The following MTX3 variants were observed in gnomAD, a reference collection of about 807,000 sequenced individuals.
MTX3 encodes metaxin 3.
In MTX3, 27 loss-of-function variants were observed where a neutral mutation model predicts 42.5. That is an observed-to-expected ratio of 0.64 (90% confidence interval 0.47 to 0.88). MTX3 has a LOEUF of 0.88. Among genes scored for constraint, MTX3 ranks in the 40% least tolerant of loss-of-function variants. The pLI is 0.00. For missense variants in MTX3, 378 were observed against 367.0 expected, an observed-to-expected ratio of 1.03 and a Z score of -0.25; for synonymous variants, 144 against 132.9, an observed-to-expected ratio of 1.08 and a Z score of -0.57.
In MTX3 at chr5:79,988,532, C is replaced by T. The variant is rs755302137; in HGVS notation, c.434G>A (p.Gly145Glu). 4.3e-6 allele frequency: 7 copies of T among 1,612,664 alleles called. No individual in the cohort carries two copies. The highest frequency in any genetic ancestry group is 1.3e-5 in the African/African-American group (1 of 74,960). Residue 145 changes from glycine (G) to glutamate (E), a missense_variant, in exon 5 of 9, where the codon GGA becomes GAA. Transcript: ENST00000512528. ...GGTCAGGAGAATCCTATTCAGTGCTCCCTTAGACATTCTTCCAGGCAGGAT... is the reference window on the plus strand; with the variant it reads ...GGTCAGGAGAATCCTATTCAGTGCTTCCTTAGACATTCTTCCAGGCAGGAT... Reference protein sequence around the residue: ...SLILPGRMSKGALNRILLTRG... With the variant: ...SLILPGRMSKEALNRILLTRG...
Position 79,981,552 on chromosome 5 carries a change from T to A in MTX3, c.*2132A>T, listed in dbSNP as rs1831374669. 1 of 152,176 alleles carries A rather than the reference T, an allele frequency of 6.6e-6. No homozygotes were observed. The highest frequency in any genetic ancestry group is 1.5e-5 in the Non-Finnish European group (1 of 68,026). 9.4% of individuals were successfully genotyped at this position (152,176 alleles called of 1,614,324 possible). A position where few individuals can be genotyped will look rare whatever the true frequency, so the allele number is the denominator to read the frequency against. ...ATGCTTCTTTATCAAAGTCTACATATCAGAAGAACATGAGCTCCACGTTCC... is the reference window on the plus strand; with the variant it reads ...ATGCTTCTTTATCAAAGTCTACATAACAGAAGAACATGAGCTCCACGTTCC... On this transcript the variant is annotated 3_prime_UTR_variant, in exon 9 of 9. Coordinates refer to ENST00000512528, the MANE Select transcript of MTX3 (RefSeq NM_001363818.2).
At chr5:79,987,457 A>T (rs939932144) in intron 6 of MTX3, among the ~76,000 whole-genome samples, 151 of 151,842 alleles carry the variant, frequency 9.9e-4, no homozygotes, top group Non-Finnish European at 1.2e-3. Context: ...AAAAAAAAAA[A>T]AAAATTAAAT....
In MTX3 at chr5:79,988,617, T is replaced by C. The variant is rs1208834219; in HGVS notation, c.349A>G (p.Asn117Asp). Residue 117 changes from asparagine to aspartate, a missense_variant, in exon 5 of 9, where the codon AAT becomes GAT. Transcript: ENST00000512528. ...VLHTFWVESD[N>D]YFTVTKPWFA... ...CATGGCTTTGTCACAGTAAAGTAATTGTCACTCTCAACCCAGAATGTGTGA... is the reference window on the plus strand; with the variant it reads ...CATGGCTTTGTCACAGTAAAGTAATCGTCACTCTCAACCCAGAATGTGTGA... 2.5e-6 allele frequency: 4 copies of C among 1,594,576 alleles called. No homozygotes were observed. In the African/African-American group the frequency reaches 4.0e-5, roughly 16 times the overall value.
Position 79,983,786 on chromosome 5 carries a change from G to A in MTX3, c.837C>T (p.Asp279=), listed in dbSNP as rs1161464931. The A allele has an allele frequency of 1.9e-6, 3 of 1,611,040 alleles. No individual in the cohort carries two copies. The highest frequency in any genetic ancestry group is 2.7e-5 in the African/African-American group (2 of 74,966). The change falls in exon 9 of 9, where the codon GAC becomes GAT. Residue 279 remains aspartate (D), a synonymous_variant. Transcript: ENST00000512528. ...GAAGCTGAGGGCTTTGGCGAAGATT[G>A]TCATCCATCTGTAGAAAGTACAAAA... The part of the protein sequence containing the change: ...KESNLIEKMD[D]NLRQSPQLPP...
At chr5:79,990,286 G>T in intron 2 of MTX3, 50 bp from the exon 3 acceptor site, 1 of 1,260,320 alleles carries the variant, frequency 7.9e-7, no homozygotes, top group Non-Finnish European at 1.1e-6. Context: ...GATTTCCTCT[G>T]AGAGATTCCA....
intron 3 of MTX3, 143 bp downstream of exon 3, chr5:79,990,017 A>G: frequency 2.0e-6 from 1 of 490,262 alleles, no homozygotes; most frequent in Non-Finnish European, 3.7e-6. Flanking sequence ...TAGAGCAGTG[A>G]TTCTCAAATC....
rs373864184 is a variant in MTX3 at position 79,990,626 on chromosome 5, T to C, written c.119A>G (p.Asn40Ser). 3.2e-5 allele frequency: 52 copies of C among 1,613,104 alleles called. No individual in the cohort carries two copies. In the Middle Eastern group the frequency reaches 5.0e-4, roughly 15 times the overall value. ...AKFSGAPLKV[N>S]VIDNTWRGSR... is the part of the protein sequence containing the mutation. ...ACCTCTCCAGGTGTTATCTATCACATTGACTTTCAAGGGTGCACCAGAAAA... is the reference window on the plus strand; with the variant it reads ...ACCTCTCCAGGTGTTATCTATCACACTGACTTTCAAGGGTGCACCAGAAAA... Residue 40 changes from asparagine (N) to serine (S), a missense_variant, in exon 2 of 9, where the codon AAT (asparagine) becomes AGT (serine). By Grantham distance (46) the Asn-to-Ser change is conservative. Coordinates refer to ENST00000512528, the MANE Select transcript of MTX3 (RefSeq NM_001363818.2).
rs754060807 is a variant in MTX3 at position 79,985,561 on chromosome 5, T to C, written c.828+10A>G. On this transcript the variant is annotated intron_variant, in intron 8 of 8. Transcript: ENST00000512528. ...CTGAACTATGATAAAATGATTGAAGTAGACTTGACCTTTTCAATCAAGTTG... is the reference window on the plus strand; with the variant it reads ...CTGAACTATGATAAAATGATTGAAGCAGACTTGACCTTTTCAATCAAGTTG... The C allele has an allele frequency of 1.3e-6, 2 of 1,566,040 alleles. No homozygotes were observed. Among genetic ancestry groups the C allele is most frequent in the East Asian group, 2.2e-5 (1 of 44,666 alleles).
chr5:79,989,242 T>C lies in MTX3; in HGVS notation c.231A>G (p.Lys77=), dbSNP rs1240146575. Residue 77 remains lysine, a splice_region_variant and synonymous_variant, in exon 4 of 9, where the codon AAA becomes AAG. Coordinates refer to ENST00000512528, the MANE Select transcript of MTX3 (RefSeq NM_001363818.2). ...AKILNFLRKQ[K]YNADYELSAK... ...CTGAGAGTTCATAATCAGCATTATATTTCTATTAAAAAAAAATAAACCAAA... is the reference window on the plus strand; with the variant it reads ...CTGAGAGTTCATAATCAGCATTATACTTCTATTAAAAAAAAATAAACCAAA... 1 of 1,575,118 alleles carries C rather than the reference T, an allele frequency of 6.3e-7. No individual in the cohort carries two copies. Among genetic ancestry groups the C allele is most frequent in the East Asian group, 2.3e-5 (1 of 43,608 alleles).
In MTX3 at chr5:79,982,877, A is replaced by G. The variant is rs1831404203; in HGVS notation, c.*807T>C. On this transcript the variant is annotated 3_prime_UTR_variant, in exon 9 of 9. Coordinates refer to ENST00000512528, the MANE Select transcript of MTX3 (RefSeq NM_001363818.2). ...TAAGAATTTTACAGCCTAGCATAGT[A>G]ACGATAACCAGTACATTCACTTCTT... 6.4e-6 allele frequency: 1 copy of G among 156,154 alleles called. No individual in the cohort carries two copies. The highest frequency in any genetic ancestry group is 6.3e-5 in the Admixed American group (1 of 15,858). 9.7% of individuals were successfully genotyped at this position (156,154 alleles called of 1,614,324 possible). A position where few individuals can be genotyped will look rare whatever the true frequency, so the allele number is the denominator to read the frequency against.
rs1247948780 is a variant in MTX3, at chr5:79,990,655, G to A, written c.90C>T (p.Ala30=). The A allele has an allele frequency of 3.1e-6, 5 of 1,613,044 alleles. No individual in the cohort carries two copies. The highest frequency in any genetic ancestry group is 4.2e-6 in the Non-Finnish European group (5 of 1,179,316). Reference sequence around the variant, plus strand: ...CTTTCAAGGGTGCACCAGAAAATTTGGCATAAGCCTGAAACAGAGTTTGCA... The same window carrying A: ...CTTTCAAGGGTGCACCAGAAAATTTAGCATAAGCCTGAAACAGAGTTTGCA... ...HSESLVVMAY[A]KFSGAPLKVN... Residue 30 remains alanine, a synonymous_variant, in exon 2 of 9, where the codon GCC becomes GCT. Transcript: ENST00000512528.
At position 79,981,025 on chromosome 5, in the gene MTX3, T is replaced by C. The variant is rs1168792901; in HGVS notation, c.*2659A>G. 1 of 151,844 alleles carries C rather than the reference T, an allele frequency of 6.6e-6. No individual in the cohort carries two copies. The highest frequency in any genetic ancestry group is 1.5e-5 in the Non-Finnish European group (1 of 68,044). The allele number at this position is 151,844 out of a possible 1,614,324, so 9.4% of individuals were successfully genotyped here. A position where few individuals can be genotyped will look rare whatever the true frequency, so the allele number is the denominator to read the frequency against. On this transcript the variant is annotated 3_prime_UTR_variant, in exon 9 of 9. Transcript: ENST00000512528. The stretch of plus-strand genomic sequence containing the variant: ...GTCTCGACTAAAAAAAAAACAAAAT[T>C]AGCTGGGCATGGTGGCACATGCCTG...
Position 79,986,952 on chromosome 5 carries a change from C to A in MTX3, c.737G>T (p.Gly246Val). The change falls in exon 7 of 9, where the codon GGA becomes GTA. Residue 246 changes from glycine (G) to valine (V), a missense_variant and splice_region_variant. By Grantham distance (109) the Gly-to-Val change is moderately radical (BLOSUM62 -3). Transcript: ENST00000512528. ...TAGCTGAAAAAGAGCCAGCTTACCTCCAAGACTAAGCCTAAAATAACTGCT... is the reference window on the plus strand; with the variant it reads ...TAGCTGAAAAAGAGCCAGCTTACCTACAAGACTAAGCCTAAAATAACTGCT... ...ILSSYFRLSL[G>V]GISPAGQETV... is the part of the protein sequence containing the mutation. 2 of 1,613,366 alleles carry A rather than the reference C, an allele frequency of 1.2e-6. No homozygotes were observed. Among genetic ancestry groups the A allele is most frequent in the Non-Finnish European group, 1.7e-6 (2 of 1,179,588 alleles).
rs935520286 is a variant in MTX3, at chr5:79,991,206, T to A, written c.33A>T (p.Gly11=). The change falls in exon 1 of 9, where the codon GGA becomes GGT. Residue 11 remains glycine, a synonymous_variant. Transcript: ENST00000512528. The part of the protein sequence containing the change: MAAPLELSCW[G]GGWGLPSVHS... ...GAACCGATGGGAGTCCCCAGCCGCC[T>A]CCCCAGCAACTGAGTTCCAAGGGGG... 39 of 1,481,124 alleles carry A rather than the reference T, an allele frequency of 2.6e-5. No individual in the cohort carries two copies. The highest frequency in any genetic ancestry group is 3.3e-5 in the Non-Finnish European group (37 of 1,109,540). 91.7% of individuals were successfully genotyped at this position (1,481,124 alleles called of 1,614,324 possible). A position where few individuals can be genotyped will look rare whatever the true frequency, so the allele number is the denominator to read the frequency against.
chr5:79,983,507 C>A lies in MTX3; in HGVS notation c.*177G>T. Reference sequence around the variant, plus strand: ...TCTCTTTGTTATTAAAAATGCAGTGCCAAGCTAGAATACAAGCTTCCTAAT... The same window carrying A: ...TCTCTTTGTTATTAAAAATGCAGTGACAAGCTAGAATACAAGCTTCCTAAT... On this transcript the variant is annotated 3_prime_UTR_variant, in exon 9 of 9. Transcript: ENST00000512528. 3.6e-6 allele frequency: 2 copies of A among 556,830 alleles called. No individual in the cohort carries two copies. The highest frequency in any genetic ancestry group is 6.4e-6 in the Non-Finnish European group (2 of 311,446). 34.5% of individuals were successfully genotyped at this position (556,830 alleles called of 1,614,324 possible).
At position 79,979,052 on chromosome 5, in the gene MTX3, G is replaced by C. The variant is rs1387537554; in HGVS notation, c.*4632C>G. On this transcript the variant is annotated 3_prime_UTR_variant, in exon 9 of 9. Coordinates refer to ENST00000512528, the MANE Select transcript of MTX3 (RefSeq NM_001363818.2). ...TCAGAAATCCATGGCACACTAGTCT[G>C]GAAAAAAATAATTTTGTGTCTTTTT... 1 of 152,462 alleles carries C rather than the reference G, an allele frequency of 6.6e-6. No individual in the cohort carries two copies. The highest frequency in any genetic ancestry group is 6.5e-5 in the Admixed American group (1 of 15,272). 9.4% of individuals were successfully genotyped at this position (152,462 alleles called of 1,614,324 possible).
At chr5:79,984,004 G>C (rs1357413258) in intron 8 of MTX3, among the ~76,000 whole-genome samples, 1 of 152,112 alleles carries the variant, frequency 6.6e-6, no homozygotes, top group African/African-American at 2.4e-5. Context: ...AAGCAACGTG[G>C]CTCATTCCTG....
At position 79,978,622 on chromosome 5, in the gene MTX3, A is replaced by G. The variant is rs1831307799; in HGVS notation, c.*5062T>C. ...ACAAAAACAAGAAATCCATATTAAAATAAATTAGGGAAATGATGTATAAAA... is the reference window on the plus strand; with the variant it reads ...ACAAAAACAAGAAATCCATATTAAAGTAAATTAGGGAAATGATGTATAAAA... On this transcript the variant is annotated 3_prime_UTR_variant, in exon 9 of 9. Coordinates refer to ENST00000512528, the MANE Select transcript of MTX3 (RefSeq NM_001363818.2). 6.6e-6 allele frequency: 1 copy of G among 152,186 alleles called. No individual in the cohort carries two copies. Among genetic ancestry groups the G allele is most frequent in the African/African-American group, 2.4e-5 (1 of 41,448 alleles). The allele number at this position is 152,186 out of a possible 1,614,324, so 9.4% of individuals were successfully genotyped here. A position where few individuals can be genotyped will look rare whatever the true frequency, so the allele number is the denominator to read the frequency against.
chr5:79,983,628 G>T lies in MTX3; in HGVS notation c.*56C>A. Reference sequence around the variant, plus strand: ...ATCTTCTTTTTGCCTTCACACACTTGGTGTAAGAGATTACTGCAACAATCG... The same window carrying T: ...ATCTTCTTTTTGCCTTCACACACTTTGTGTAAGAGATTACTGCAACAATCG... On this transcript the variant is annotated 3_prime_UTR_variant, in exon 9 of 9. Coordinates refer to ENST00000512528, the MANE Select transcript of MTX3 (RefSeq NM_001363818.2). 4 of 1,257,132 alleles carry T rather than the reference G, an allele frequency of 3.2e-6. No homozygotes were observed. Among genetic ancestry groups the T allele is most frequent in the South Asian group, 1.2e-5 (1 of 83,888 alleles). 77.9% of individuals were successfully genotyped at this position (1,257,132 alleles called of 1,614,324 possible).
Sources: allele counts gnomAD v4.1 joint callset (sites outside exome capture counted in the v4.1 genomes callset), GRCh38; gene constraint gnomAD v4.1.1; transcripts MANE v1.5; gene names NCBI Gene and HGNC (gene_info 2026-07-23, HGNC 2026-07-21).